Variants in TUT4 observed in about 807,000 individuals in gnomAD.
TUT4 encodes terminal uridylyltransferase 4.
A neutral mutation model predicts 192.2 loss-of-function variants in TUT4; 36 were observed. The ratio of observed to expected loss-of-function variants is 0.19; its 90% CI spans 0.14 to 0.25. The LOEUF (loss-of-function observed/expected upper bound fraction) is 0.25. Ranked by LOEUF, TUT4 falls within the 10% of genes least tolerant of loss-of-function variation. The pLI is 1.00. For synonymous variants in TUT4, 618 were observed against 666.0 expected, an observed-to-expected ratio of 0.93 and a Z score of 1.11; for missense variants, 1,493 against 1,957.2, an observed-to-expected ratio of 0.76 and a Z score of 4.47.
intron 1 of TUT4, chr1:52,534,859 T>A (rs1684474832): frequency 6.6e-6 from 1 of 152,006 alleles, no homozygotes; most frequent in Non-Finnish European, 1.5e-5. Flanking sequence ...CAACACCCCG[T>A]CCCCAAAAAA....
chr1:52,492,629 A>G (rs1009204102), intron 7 of TUT4, among the ~76,000 whole-genome samples: 2 of 152,238 alleles, frequency 1.3e-5, no homozygotes, highest in Non-Finnish European at 2.9e-5. Flanking sequence ...CTGAGCCCAG[A>G]AAGTCTAGCT....
chr1:52,470,074 G>A (rs576823932), intron 14 of TUT4, among the ~76,000 whole-genome samples: 149 of 152,050 alleles, frequency 9.8e-4, no homozygotes, highest in Non-Finnish European at 1.5e-3. Context: ...CCAATAAAAG[G>A]AACCACAGCT....
At chr1:52,428,367 C>T (rs938856985) in intron 28 of TUT4, among the ~76,000 whole-genome samples, 3 of 151,954 alleles carry the variant, frequency 2.0e-5, no homozygotes, top group African/African-American at 7.2e-5. Context: ...TGGCTCACAC[C>T]TGTAATCCCT....
At chr1:52,498,901 ATTATATATATATATATATATATAT>A (rs1673229293) in intron 4 of TUT4, among the ~76,000 whole-genome samples, 1 of 73,324 alleles carries the variant, frequency 1.4e-5, no homozygotes, top group Non-Finnish European at 2.5e-5. Flanking sequence ...AAAAAAAAAA[ATTATATATATATATATATATATAT>A]ATATATATAT....
rs184324867 is a variant in TUT4 at position 52,537,029 on chromosome 1, G to A, written c.-93-10656C>T. Reference sequence around the variant, plus strand: ...CAAAAAATTAGCCGGGCATGGTGGCGTGCGCCCATAGTCCCAGCTACTTGG... The same window carrying A: ...CAAAAAATTAGCCGGGCATGGTGGCATGCGCCCATAGTCCCAGCTACTTGG... On this transcript the variant is annotated intron_variant, in intron 1 of 29. Transcript: ENST00000257177. 5.1e-3 allele frequency among the ~76,000 whole-genome samples: 777 copies of A among 151,580 alleles called. 2 individuals are homozygous for A. Among genetic ancestry groups the A allele is most frequent in the Non-Finnish European group, 8.7e-3 (594 of 67,924 alleles).
intron 4 of TUT4, among the ~76,000 whole-genome samples, chr1:52,506,672 T>C (rs974835785): frequency 6.6e-6 from 1 of 152,186 alleles, no homozygotes; most frequent in African/African-American, 2.4e-5. Context: ...TTTTTTATAT[T>C]TTCCATGTCT....
intron 1 of TUT4, among the ~76,000 whole-genome samples, chr1:52,541,621 G>C (rs1164409748): frequency 6.7e-6 from 1 of 149,628 alleles, no homozygotes; most frequent in Non-Finnish European, 1.5e-5. Flanking sequence ...GAAGCTAAAA[G>C]TGTAAAACTG....
intron 1 of TUT4, among the ~76,000 whole-genome samples, chr1:52,529,027 A>G (rs1682616568): frequency 6.6e-6 from 1 of 152,050 alleles, no homozygotes; most frequent in African/African-American, 2.4e-5. Context: ...ATTCTTCTTT[A>G]TAGTGCAGTC....
intron 20 of TUT4, among the ~76,000 whole-genome samples, chr1:52,449,696 C>T (rs940742954): frequency 3.3e-5 from 5 of 152,180 alleles, no homozygotes; most frequent in East Asian, 1.9e-4. Flanking sequence ...CATACTGTCA[C>T]GCTACCATCA....
In TUT4 at chr1:52,495,421, A is replaced by G. The variant is rs373084502; in HGVS notation, c.1266+6T>C. The G allele has an allele frequency of 4.5e-5, 70 of 1,560,580 alleles. No homozygotes were observed. Among genetic ancestry groups the G allele is most frequent in the Non-Finnish European group, 6.0e-5 (68 of 1,136,402 alleles). On this transcript the variant is annotated splice_donor_region_variant and intron_variant, in intron 6 of 29. Coordinates refer to ENST00000257177, the MANE Select transcript of TUT4 (RefSeq NM_001009881.3). ...GAACCACACAGGAAAGATTCTAATT[A>G]CTTACCTTGGGAGGAAATTTTATAT...
intron 20 of TUT4, 86 bp from the exon 21 acceptor site, chr1:52,446,753 C>T (rs1030015992): frequency 5.6e-6 from 5 of 899,414 alleles, no homozygotes; most frequent in East Asian, 5.3e-5. Context: ...TAGAATTTAC[C>T]TATAAGACAT....
intron 2 of TUT4, among the ~76,000 whole-genome samples, chr1:52,522,351 T>C (rs911767752): frequency 6.6e-6 from 1 of 152,196 alleles, no homozygotes; most frequent in Non-Finnish European, 1.5e-5. Context: ...TGCATTTAAT[T>C]GGAGTAATAT....
At chr1:52,507,536 T>C (rs530592438) in intron 4 of TUT4, among the ~76,000 whole-genome samples, 115 of 152,310 alleles carry the variant, frequency 7.6e-4, no homozygotes, top group Middle Eastern at 3.4e-3. Context: ...ACCAAAAGTA[T>C]ACGTCCTATA....
rs1380960504 is a variant in TUT4 at position 52,471,410 on chromosome 1, C to T, written c.2878+542G>A. ...ATTAATCCTGATTCCTCTAATCCAC[C>T]CCAGATAAAATTGTGTTTACACTGC... On this transcript the variant is annotated intron_variant, in intron 14 of 29. Transcript: ENST00000257177. 2.6e-5 allele frequency among the ~76,000 whole-genome samples: 4 copies of T among 152,178 alleles called. No individual in the cohort carries two copies. The East Asian group carries it at 7.7e-4, about 29-fold the overall frequency.
intron 14 of TUT4, among the ~76,000 whole-genome samples, chr1:52,470,760 G>A (rs1665526382): frequency 6.6e-6 from 1 of 152,140 alleles, no homozygotes; most frequent in Admixed American, 6.5e-5. Flanking sequence ...AAATGGGGAA[G>A]AAGGGAGCGA....
At chr1:52,539,303 T>C (rs542506097) in intron 1 of TUT4, among the ~76,000 whole-genome samples, 1 of 152,316 alleles carries the variant, frequency 6.6e-6, no homozygotes, top group East Asian at 1.9e-4. Context: ...CATTCAATGT[T>C]ATGCTTCCCA....
chr1:52,492,434 G>A (rs376215399), intron 7 of TUT4, among the ~76,000 whole-genome samples: 10 of 152,158 alleles, frequency 6.6e-5, no homozygotes, highest in African/African-American at 2.4e-4. Flanking sequence ...CAGCAAAAAC[G>A]TAATAAGAAG....
Position 52,427,419 on chromosome 1 carries a change from T to C in TUT4, c.4712-1912A>G, listed in dbSNP as rs76006730. Among the ~76,000 whole-genome samples, 427 of 152,230 alleles carry C rather than the reference T, an allele frequency of 2.8e-3. 2 individuals are homozygous for C. Among genetic ancestry groups the C allele is most frequent in the African/African-American group, 9.8e-3 (406 of 41,534 alleles). ...GTATGTTTGTGGGACATTAATTAGT[T>C]CACTATGACTAAAACACTGAGAACA... is the stretch of plus-strand genomic sequence containing the variant. On this transcript the variant is annotated intron_variant, in intron 28 of 29. Coordinates refer to ENST00000257177, the MANE Select transcript of TUT4 (RefSeq NM_001009881.3).
intron 29 of TUT4, 167 bp downstream of exon 29, chr1:52,425,182 G>A (rs978440817): frequency 3.0e-5 from 21 of 711,608 alleles, no homozygotes; most frequent in Middle Eastern, 4.5e-4. Flanking sequence ...AAGTAATGGA[G>A]ATTTTGTTTT....
Sources: gnomAD v4.1 joint callset for allele counts (sites outside exome capture counted in the v4.1 genomes callset) on GRCh38, gnomAD v4.1.1 for gene constraint, MANE v1.5 for transcripts, NCBI Gene and HGNC (gene_info 2026-07-23, HGNC 2026-07-21) for gene names.